ASIC2: variants seen among roughly 807,000 people sequenced by gnomAD.
ASIC2 encodes the protein acid-sensing ion channel 2.
ASIC2 carries 25 observed loss-of-function variants against 57.3 expected under a neutral mutation model. The observed-to-expected ratio is 0.44, with a 90% CI of 0.32 to 0.61. The LOEUF (loss-of-function observed/expected upper bound fraction) is 0.61, where lower values mean the gene tolerates loss of function less well. Among genes scored for constraint, ASIC2 ranks in the 20% least tolerant of loss-of-function variants. ASIC2 has a pLI of 0.06. For missense variants in ASIC2, 641 were observed against 738.1 expected, an observed-to-expected ratio of 0.87 and a Z score of 1.52; for synonymous variants, 319 against 307.5, an observed-to-expected ratio of 1.04 and a Z score of -0.39.
intron 1 of ASIC2, among the ~76,000 whole-genome samples, chr17:33,200,036 G>A (rs1011415178): frequency 2.0e-5 from 3 of 152,052 alleles, no homozygotes; most frequent in African/African-American, 7.2e-5. Context: ...TGCACATGCT[G>A]TTCCCTCTTC....
intron 1 of ASIC2, among the ~76,000 whole-genome samples, chr17:34,136,018 C>T (rs1912117919): frequency 6.6e-6 from 1 of 152,092 alleles, no homozygotes; most frequent in Admixed American, 6.5e-5. Context: ...CCTGGAGAAA[C>T]CTGAAAAACT....
intron 1 of ASIC2, among the ~76,000 whole-genome samples, chr17:33,263,945 G>A (rs34876462): frequency 6.6e-6 from 1 of 152,216 alleles, no homozygotes; most frequent in Non-Finnish European, 1.5e-5. Context: ...GAATAGATGA[G>A]TGGTGGTAAG....
chr17:34,064,303 C>T (rs1474508798), intron 1 of ASIC2, among the ~76,000 whole-genome samples: 1 of 152,144 alleles, frequency 6.6e-6, no homozygotes, highest in Non-Finnish European at 1.5e-5. Context: ...ACAAATGGTG[C>T]TGGGATAATT....
chr17:34,036,443 A>T (rs1907881986), intron 1 of ASIC2, among the ~76,000 whole-genome samples: 2 of 151,752 alleles, frequency 1.3e-5, no homozygotes, highest in South Asian at 4.2e-4. Flanking sequence ...TAATGGGTGC[A>T]GCACACCAAC....
At chr17:33,619,098 A>G (rs575403263) in intron 1 of ASIC2, among the ~76,000 whole-genome samples, 1 of 152,336 alleles carries the variant, frequency 6.6e-6, no homozygotes, top group African/African-American at 2.4e-5. Context: ...AGAAAAAAGT[A>G]TTAGAACAAA....
chr17:33,370,319 A>G (rs1909001470), intron 1 of ASIC2, among the ~76,000 whole-genome samples: 1 of 152,188 alleles, frequency 6.6e-6, no homozygotes, highest in Non-Finnish European at 1.5e-5. Flanking sequence ...CCCAACCCCA[A>G]CAAATGGGCA....
chr17:33,606,792 G>A (rs912241701), intron 1 of ASIC2, among the ~76,000 whole-genome samples: 2 of 152,178 alleles, frequency 1.3e-5, no homozygotes, highest in Non-Finnish European at 2.9e-5. Flanking sequence ...TATATACCAA[G>A]GGAAGGCAAG....
At chr17:33,568,287 T>TA (rs1223286020) in intron 1 of ASIC2, among the ~76,000 whole-genome samples, 11 of 152,254 alleles carry the variant, frequency 7.2e-5, no homozygotes, top group African/African-American at 2.7e-4. Flanking sequence ...ACCAACCATA[T>TA]ACTGAGCACC....
chr17:33,483,861 A>C (rs1913492728), intron 1 of ASIC2, among the ~76,000 whole-genome samples: 1 of 152,196 alleles, frequency 6.6e-6, no homozygotes, highest in Admixed American at 6.5e-5. Context: ...TGCAGGTGTC[A>C]TTACATTAAA....
intron 1 of ASIC2, among the ~76,000 whole-genome samples, chr17:33,687,712 T>C (rs1161783464): frequency 1.3e-5 from 2 of 152,192 alleles, no homozygotes; most frequent in East Asian, 1.9e-4. Flanking sequence ...AGGATAATTA[T>C]TCATTGGATG....
chr17:33,596,380 A>G (rs2142007522), intron 1 of ASIC2, among the ~76,000 whole-genome samples: 1 of 152,356 alleles, frequency 6.6e-6, no homozygotes, highest in Non-Finnish European at 1.5e-5. Flanking sequence ...ATTAATTTAA[A>G]TGCACAAATT....
intron 1 of ASIC2, chr17:33,793,765 C>A (rs188137330): frequency 6.6e-6 from 1 of 152,166 alleles, no homozygotes; most frequent in African/African-American, 2.4e-5. Context: ...CTTCTATCTA[C>A]CAAGTCCGTG....
At chr17:33,828,711 T>C (rs1308241123) in intron 1 of ASIC2, among the ~76,000 whole-genome samples, 1 of 152,210 alleles carries the variant, frequency 6.6e-6, no homozygotes, top group Non-Finnish European at 1.5e-5. Flanking sequence ...TATGCATTGA[T>C]AAAATATATT....
At chr17:33,946,188 C>T (rs1904369666) in intron 1 of ASIC2, among the ~76,000 whole-genome samples, 1 of 152,186 alleles carries the variant, frequency 6.6e-6, no homozygotes. Flanking sequence ...CATAGACCTG[C>T]ATAAGTATAT....
At chr17:33,822,661 T>C (rs1246414493) in intron 1 of ASIC2, among the ~76,000 whole-genome samples, 2 of 152,234 alleles carry the variant, frequency 1.3e-5, no homozygotes, top group East Asian at 1.9e-4. Context: ...CTCTGATTCT[T>C]GTCCATATCA....
At chr17:33,558,854 C>T (rs757314278) in intron 1 of ASIC2, among the ~76,000 whole-genome samples, 10 of 152,000 alleles carry the variant, frequency 6.6e-5, no homozygotes, top group Non-Finnish European at 1.5e-4. Flanking sequence ...GCAACCTCTG[C>T]CTCCCAAATT....
At chr17:34,095,617 A>AAAATTATATATATCTCTCTC (rs71922941) in intron 1 of ASIC2, among the ~76,000 whole-genome samples, 2 of 80,666 alleles carry the variant, frequency 2.5e-5, no homozygotes, top group Non-Finnish European at 2.1e-5. Flanking sequence ...TTATATATAT[A>AAAATTATATATATCTCTCTC]TATATATATA....
At chr17:33,777,512 C>A (rs532502073) in intron 1 of ASIC2, among the ~76,000 whole-genome samples, 1 of 152,016 alleles carries the variant, frequency 6.6e-6, no homozygotes, top group East Asian at 1.9e-4. Context: ...TCCCTCCCAG[C>A]CCACCAACCC....
At chr17:34,102,028 A>G (rs1022442865) in intron 1 of ASIC2, among the ~76,000 whole-genome samples, 1 of 152,196 alleles carries the variant, frequency 6.6e-6, no homozygotes, top group African/African-American at 2.4e-5. Flanking sequence ...AAGTAGATAC[A>G]GCCAGGTGTG....
Sources: gnomAD v4.1 joint callset for allele counts (sites outside exome capture counted in the v4.1 genomes callset) on GRCh38, gnomAD v4.1.1 for gene constraint, MANE v1.5 for transcripts, NCBI Gene and HGNC (gene_info 2026-07-23, HGNC 2026-07-21) for gene names.